Variants in PLPPR5 observed in about 807,000 individuals in gnomAD.
PLPPR5 encodes the protein phospholipid phosphatase related 5.
In PLPPR5, 16 loss-of-function variants were observed where a neutral mutation model predicts 33.9. The ratio of observed to expected loss-of-function variants is 0.47; its 90% CI spans 0.32 to 0.72. The LOEUF is 0.72. PLPPR5 is among the 30% of genes least tolerant of loss of function. The probability of loss-of-function intolerance (pLI) is 0.03; values close to 1 mark genes in which losing one functional copy is unlikely to be tolerated. For missense variants in PLPPR5, 301 were observed against 406.7 expected (o/e 0.74, Z 2.23); for synonymous variants, 163 against 150.3 (o/e 1.08, Z -0.62).
At chr1:99,005,776 C>A (rs988322027), upstream of PLPPR5, among the ~76,000 whole-genome samples, 2 of 152,180 alleles carry the variant, frequency 1.3e-5, no homozygotes, top group South Asian at 2.1e-4. Flanking sequence ...TGGCTCACAG[C>A]ACATGCATAC....
chr1:98,967,519 G>C (rs187396534), intron 1 of PLPPR5, among the ~76,000 whole-genome samples: 1 of 152,066 alleles, frequency 6.6e-6, no homozygotes, highest in Non-Finnish European at 1.5e-5. Context: ...ACCAAAACTT[G>C]CACAAAAAGA....
chr1:98,996,165 T>C (rs1570765035), intron 1 of PLPPR5, among the ~76,000 whole-genome samples: 1 of 152,136 alleles, frequency 6.6e-6, no homozygotes, highest in East Asian at 1.9e-4. Flanking sequence ...TTCCAGGAAG[T>C]TGTTTTTTGG....
At chr1:98,984,030 C>T (rs1487616743) in intron 1 of PLPPR5, among the ~76,000 whole-genome samples, 2 of 151,234 alleles carry the variant, frequency 1.3e-5, no homozygotes, top group Non-Finnish European at 2.9e-5. Context: ...AGGGAGGCCT[C>T]AGGTTCCTGA....
chr1:99,004,544 A>C lies in PLPPR5; in HGVS notation c.128T>G (p.Phe43Cys). 2 of 1,613,098 alleles carry C rather than the reference A, an allele frequency of 1.2e-6. No homozygotes were observed. Among genetic ancestry groups the C allele is most frequent in the Non-Finnish European group, 1.7e-6 (2 of 1,179,842 alleles). Reference sequence around the variant, plus strand: ...GCGGTAGGCGCTGTCGTGGCAGAAGAAGCCCTGCACGTTCACGGTGAACGT... The same window carrying C: ...GCGGTAGGCGCTGTCGTGGCAGAAGCAGCCCTGCACGTTCACGGTGAACGT... Reference protein sequence around the residue: ...TDTFTVNVQGFFCHDSAYRKP... With the variant: ...TDTFTVNVQGCFCHDSAYRKP... Residue 43 changes from phenylalanine to cysteine, a missense_variant, in exon 1 of 6, where the codon TTC becomes TGC. Transcript: ENST00000263177.
intron 5 of PLPPR5, among the ~76,000 whole-genome samples, chr1:98,904,408 T>C (rs978890292): frequency 1.3e-5 from 2 of 152,038 alleles, no homozygotes; most frequent in Admixed American, 6.6e-5. Context: ...GGAGTGGTTA[T>C]TGTGGCCTGC....
At chr1:98,999,642 C>T (rs1238106539) in intron 1 of PLPPR5, among the ~76,000 whole-genome samples, 6 of 152,142 alleles carry the variant, frequency 3.9e-5, no homozygotes, top group African/African-American at 1.4e-4. Flanking sequence ...TGGGGATGGG[C>T]AGTGATGCCC....
intron 3 of PLPPR5, among the ~76,000 whole-genome samples, chr1:98,938,776 C>G (rs1650272764): frequency 6.6e-6 from 1 of 152,090 alleles, no homozygotes; most frequent in South Asian, 2.1e-4. Flanking sequence ...ACATATATAC[C>G]ATGGAATACT....
chr1:98,951,038 A>G (rs570074340), intron 3 of PLPPR5, among the ~76,000 whole-genome samples: 81 of 152,258 alleles, frequency 5.3e-4, no homozygotes, highest in African/African-American at 1.9e-3. Flanking sequence ...AAATATTTGT[A>G]TAAGAATATT....
At chr1:98,949,814 A>T (rs1650709858) in intron 3 of PLPPR5, among the ~76,000 whole-genome samples, 1 of 152,196 alleles carries the variant, frequency 6.6e-6, no homozygotes, top group African/African-American at 2.4e-5. Flanking sequence ...ACTCACACAC[A>T]CACACAAAGG....
chr1:99,005,104 A>T (rs1037489700), upstream of PLPPR5: 4 of 151,320 alleles, frequency 2.6e-5, no homozygotes, highest in African/African-American at 9.8e-5. Flanking sequence ...GGACAGCGGC[A>T]CCTGTACCCC....
At chr1:98,981,703 TG>T (rs758022170) in intron 1 of PLPPR5, among the ~76,000 whole-genome samples, 2 of 152,092 alleles carry the variant, frequency 1.3e-5, no homozygotes, top group African/African-American at 2.4e-5. Flanking sequence ...AATGAATTAC[TG>T]AATACTAACT....
At chr1:98,919,796 A>G (rs563022359) in intron 4 of PLPPR5, among the ~76,000 whole-genome samples, 1 of 152,288 alleles carries the variant, frequency 6.6e-6, no homozygotes, top group Non-Finnish European at 1.5e-5. Context: ...AAAGGAACTG[A>G]GAGGAAGCAA....
At chr1:98,921,672 T>G (rs1649558123) in intron 4 of PLPPR5, among the ~76,000 whole-genome samples, 1 of 152,186 alleles carries the variant, frequency 6.6e-6, no homozygotes. Flanking sequence ...GGATTTGTAT[T>G]TTTTTCATCC....
rs763477562 is a variant in PLPPR5 at position 98,920,593 on chromosome 1, CAAA to C, written c.798+1286_798+1288del. Among the ~76,000 whole-genome samples the C allele has an allele frequency of 5.2e-4, 36 of 69,022 alleles. 1 individual carries two copies. In the South Asian group the frequency reaches 0.019, roughly 36 times the overall value. 45.3% of individuals were successfully genotyped at this position (69,022 alleles called of 152,430 possible). ...TGGGAATCACAGAGAGTGGTATCAC[CAAA>C]AAAAAAAAAAAAAGCAGCACAGGAT... On this transcript the variant is annotated intron_variant, in intron 4 of 5. Transcript: ENST00000263177.
intron 5 of PLPPR5, among the ~76,000 whole-genome samples, chr1:98,906,173 T>G (rs981662395): frequency 3.3e-5 from 5 of 150,728 alleles, no homozygotes; most frequent in Non-Finnish European, 4.4e-5. Context: ...TATATATATA[T>G]AGTGTGTGTG....
intron 1 of PLPPR5, among the ~76,000 whole-genome samples, chr1:98,999,710 T>C (rs1329404952): frequency 6.6e-6 from 1 of 152,274 alleles, no homozygotes; most frequent in East Asian, 1.9e-4. Context: ...GTTGATCCAA[T>C]GGGGAGCTCT....
chr1:98,895,518 T>C (rs1648440951), intron 5 of PLPPR5, among the ~76,000 whole-genome samples: 1 of 152,032 alleles, frequency 6.6e-6, no homozygotes, highest in African/African-American at 2.4e-5. Flanking sequence ...AGTCTTGGCA[T>C]TTAAAATCAC....
At chr1:98,923,364 T>C (rs1173429832) in intron 3 of PLPPR5, among the ~76,000 whole-genome samples, 1 of 152,188 alleles carries the variant, frequency 6.6e-6, no homozygotes, top group Non-Finnish European at 1.5e-5. Flanking sequence ...GATAATATAC[T>C]CAGAAAAATT....
At chr1:98,939,324 G>C (rs1195136368) in intron 3 of PLPPR5, among the ~76,000 whole-genome samples, 8 of 147,920 alleles carry the variant, frequency 5.4e-5, no homozygotes, top group Non-Finnish European at 1.1e-4. Flanking sequence ...TTGCTTTTGT[G>C]TCAAATATGC....
Sources: gnomAD v4.1 joint callset for allele counts (sites outside exome capture counted in the v4.1 genomes callset) on GRCh38, gnomAD v4.1.1 for gene constraint, MANE v1.5 for transcripts, NCBI Gene and HGNC (gene_info 2026-07-23, HGNC 2026-07-21) for gene names.